DCC: variants seen among roughly 807,000 people sequenced by gnomAD.
DCC encodes netrin receptor DCC.
Under a neutral mutation model 172.5 loss-of-function variants are expected in DCC, and 58 were observed. The ratio of observed to expected loss-of-function variants is 0.34; its 90% CI spans 0.27 to 0.42. DCC has a LOEUF of 0.42. Among genes scored for constraint, DCC ranks in the 10% least tolerant of loss-of-function variants. The pLI is 1.00. For synonymous variants in DCC, 709 were observed against 644.5 expected, an observed-to-expected ratio of 1.10 and a Z score of -1.52; for missense variants, 1,740 against 1,791.0, an observed-to-expected ratio of 0.97 and a Z score of 0.51.
chr18:52,442,351 T>C (rs1427334908), intron 1 of DCC, among the ~76,000 whole-genome samples: 1 of 152,232 alleles, frequency 6.6e-6, no homozygotes, highest in African/African-American at 2.4e-5. Flanking sequence ...TGAGCACTTG[T>C]GTCAATTAAA....
chr18:53,088,139 GAA>G (rs2042944317), intron 7 of DCC, among the ~76,000 whole-genome samples: 1 of 152,190 alleles, frequency 6.6e-6, no homozygotes, highest in Non-Finnish European at 1.5e-5. Flanking sequence ...ATTCTGTGAA[GAA>G]AGTCATTGGT....
intron 3 of DCC, among the ~76,000 whole-genome samples, chr18:52,920,018 T>C (rs1444721684): frequency 8.1e-5 from 3 of 37,098 alleles, no homozygotes; most frequent in East Asian, 7.9e-4. Flanking sequence ...AATGTCCATA[T>C]ACAAAAAAAA....
At chr18:52,899,340 T>C (rs1382966822) in intron 2 of DCC, among the ~76,000 whole-genome samples, 3 of 125,424 alleles carry the variant, frequency 2.4e-5, no homozygotes, top group Non-Finnish European at 1.6e-5. Context: ...TTTTCTTTCT[T>C]TCCTTTTTTT....
intron 1 of DCC, among the ~76,000 whole-genome samples, chr18:52,576,477 T>C (rs550428644): frequency 3.0e-4 from 46 of 152,278 alleles, no homozygotes; most frequent in Admixed American, 2.6e-3. Context: ...CTCTCAGAAC[T>C]TAGTGTTTGC....
At chr18:53,298,747 G>A (rs562967460) in intron 12 of DCC, among the ~76,000 whole-genome samples, 89 of 151,756 alleles carry the variant, frequency 5.9e-4, no homozygotes, top group African/African-American at 1.7e-3. Flanking sequence ...GCTTTGTATG[G>A]GAAAGCTTAT....
At chr18:53,141,919 T>C (rs538169984) in intron 7 of DCC, among the ~76,000 whole-genome samples, 8 of 152,302 alleles carry the variant, frequency 5.3e-5, no homozygotes, top group Middle Eastern at 3.4e-3. Context: ...ACCTGTGGTA[T>C]GTCCATATGC....
intron 8 of DCC, among the ~76,000 whole-genome samples, chr18:53,169,044 A>G (rs988063623): frequency 6.6e-6 from 1 of 152,242 alleles, no homozygotes; most frequent in African/African-American, 2.4e-5. Flanking sequence ...TTAAGTACCA[A>G]CTAAATCAGG....
intron 1 of DCC, among the ~76,000 whole-genome samples, chr18:52,519,070 G>A (rs1367022890): frequency 1.3e-5 from 2 of 152,132 alleles, no homozygotes; most frequent in Non-Finnish European, 2.9e-5. Flanking sequence ...ATGTAGAAAG[G>A]TTTCCTCCTT....
chr18:52,904,316 AACCCAC>A (rs1298279019), intron 2 of DCC, among the ~76,000 whole-genome samples: 1 of 152,200 alleles, frequency 6.6e-6, no homozygotes, highest in Non-Finnish European at 1.5e-5. Flanking sequence ...GCTTGTACCT[AACCCAC>A]ATATAATTTT....
chr18:53,490,298 G>A (rs1206870582), intron 26 of DCC, among the ~76,000 whole-genome samples: 1 of 152,138 alleles, frequency 6.6e-6, no homozygotes, highest in African/African-American at 2.4e-5. Flanking sequence ...GTTAATGAGT[G>A]AATTGGGTTT....
chr18:52,363,942 C>A (rs940672668), intron 1 of DCC, among the ~76,000 whole-genome samples: 1 of 151,982 alleles, frequency 6.6e-6, no homozygotes, highest in East Asian at 1.9e-4. Context: ...CCCTTTAGCC[C>A]TTCAGTCTGC....
chr18:53,054,927 T>C (rs548502847), intron 5 of DCC, among the ~76,000 whole-genome samples: 7 of 152,270 alleles, frequency 4.6e-5, no homozygotes, highest in African/African-American at 1.7e-4. Flanking sequence ...CAGAATAGCT[T>C]ACTATTTGTC....
At chr18:52,712,873 A>G (rs2036317775) in intron 1 of DCC, among the ~76,000 whole-genome samples, 1 of 152,176 alleles carries the variant, frequency 6.6e-6, no homozygotes, top group African/African-American at 2.4e-5. Context: ...TTGCTGAGCA[A>G]AGGAGAGCTC....
At chr18:52,928,587 G>A in intron 5 of DCC, among the ~76,000 whole-genome samples, 1 of 152,114 alleles carries the variant, frequency 6.6e-6, no homozygotes, top group East Asian at 1.9e-4. Context: ...GTACATATAT[G>A]TGGATAGATA....
At chr18:53,351,424 G>GTATATATATATATACAC (rs1568075304) in intron 15 of DCC, among the ~76,000 whole-genome samples, 1 of 18,794 alleles carries the variant, frequency 5.3e-5, no homozygotes, top group African/African-American at 1.8e-4. Context: ...TATACACACT[G>GTATATATATATATACAC]TGTATATATA....
At chr18:52,376,996 G>A (rs930577508) in intron 1 of DCC, among the ~76,000 whole-genome samples, 8 of 152,122 alleles carry the variant, frequency 5.3e-5, no homozygotes, top group Admixed American at 1.3e-4. Flanking sequence ...CCTATCACCC[G>A]TTGTTTCTAT....
chr18:52,490,907 C>T (rs2030468041), intron 1 of DCC, among the ~76,000 whole-genome samples: 1 of 152,064 alleles, frequency 6.6e-6, no homozygotes, highest in Admixed American at 6.6e-5. Context: ...GCTTTTCAGA[C>T]ACGATGTTCA....
chr18:53,082,295 A>G (rs2042818348), intron 7 of DCC, among the ~76,000 whole-genome samples: 1 of 152,154 alleles, frequency 6.6e-6, no homozygotes, highest in Admixed American at 6.6e-5. Flanking sequence ...AAAAATTGTT[A>G]TATGGTTATG....
chr18:53,060,358 T>G (rs2042476202), intron 5 of DCC, among the ~76,000 whole-genome samples: 1 of 152,064 alleles, frequency 6.6e-6, no homozygotes, highest in Admixed American at 6.6e-5. Flanking sequence ...AATATTGCTG[T>G]TTGGTACTTC....
Sources: allele counts gnomAD v4.1 joint callset (sites outside exome capture counted in the v4.1 genomes callset), GRCh38; gene constraint gnomAD v4.1.1; transcripts MANE v1.5; gene names NCBI Gene and HGNC (gene_info 2026-07-23, HGNC 2026-07-21).